The following LRBA variants were observed in gnomAD, a reference collection of about 807,000 sequenced individuals.
The protein encoded by LRBA is LPS responsive beige-like anchor protein.
LRBA carries 176 observed loss-of-function variants against 330.0 expected under a neutral mutation model. The ratio of observed to expected loss-of-function variants is 0.53; its 90% CI spans 0.47 to 0.60. The LOEUF is 0.60. Ranked by LOEUF, LRBA falls within the 20% of genes least tolerant of loss-of-function variation. The probability of loss-of-function intolerance (pLI) is 0.00; values close to 1 mark genes in which losing one functional copy is unlikely to be tolerated. For synonymous variants in LRBA, 1,230 were observed against 1,193.0 expected, an observed-to-expected ratio of 1.03 and a Z score of -0.64; for missense variants, 3,259 against 3,444.8, an observed-to-expected ratio of 0.95 and a Z score of 1.35.
intron 22 of LRBA, among the ~76,000 whole-genome samples, chr4:150,854,640 G>GT (rs1751010196): frequency 6.6e-6 from 1 of 152,198 alleles, no homozygotes; most frequent in South Asian, 2.1e-4. Context: ...GCGAGAAGGT[G>GT]TATTTACTAG....
At chr4:150,964,139 C>G (rs1444114892) in intron 2 of LRBA, among the ~76,000 whole-genome samples, 1 of 148,974 alleles carries the variant, frequency 6.7e-6, no homozygotes, top group Non-Finnish European at 1.5e-5. Context: ...GGGCAGCCCC[C>G]GCCCGGCCAG....
chr4:150,657,559 A>T (rs532215191), intron 37 of LRBA, among the ~76,000 whole-genome samples: 103 of 152,114 alleles, frequency 6.8e-4, no homozygotes, highest in Non-Finnish European at 1.0e-3. Flanking sequence ...GAGATGTGGA[A>T]GCATTTACCA....
intron 2 of LRBA, among the ~76,000 whole-genome samples, chr4:150,931,942 C>T (rs1734551399): frequency 6.6e-6 from 1 of 152,024 alleles, no homozygotes; most frequent in East Asian, 1.9e-4. Flanking sequence ...GGCGTGGTGG[C>T]TCATGCCTGT....
At chr4:150,556,043 T>C (rs1767279106) in intron 40 of LRBA, among the ~76,000 whole-genome samples, 1 of 152,022 alleles carries the variant, frequency 6.6e-6, no homozygotes, top group South Asian at 2.1e-4. Flanking sequence ...GTTCAAGAGA[T>C]CCTCATGCCT....
intron 4 of LRBA, among the ~76,000 whole-genome samples, chr4:150,923,591 G>A (rs1474171982): frequency 3.3e-5 from 5 of 152,230 alleles, no homozygotes; most frequent in Non-Finnish European, 7.4e-5. Flanking sequence ...AAGCTGCAAC[G>A]CTGAGTTTAT....
chr4:150,538,158 A>G (rs1035863260), intron 40 of LRBA, among the ~76,000 whole-genome samples: 2 of 152,232 alleles, frequency 1.3e-5, no homozygotes, highest in Non-Finnish European at 2.9e-5. Flanking sequence ...GAGGCTGCAG[A>G]CAAAAGAGAA....
chr4:150,542,916 G>A (rs918997826), intron 40 of LRBA, among the ~76,000 whole-genome samples: 4 of 151,970 alleles, frequency 2.6e-5, no homozygotes, highest in Non-Finnish European at 5.9e-5. Context: ...TAGTCTGGTG[G>A]TACTAAAAAA....
chr4:150,543,754 C>A (rs17589349), intron 40 of LRBA, among the ~76,000 whole-genome samples: 20,502 of 152,008 alleles, frequency 0.13, 1,434 homozygotes, highest in Middle Eastern at 0.17. Context: ...GTATATGAGA[C>A]AATCATCACA....
intron 34 of LRBA, among the ~76,000 whole-genome samples, chr4:150,789,593 T>A: frequency 6.6e-6 from 1 of 152,190 alleles, no homozygotes; most frequent in East Asian, 1.9e-4. Flanking sequence ...GGATGCCTAA[T>A]ATGAACTCTG....
chr4:150,667,205 C>T (rs943898408), intron 37 of LRBA, among the ~76,000 whole-genome samples: 1 of 152,096 alleles, frequency 6.6e-6, no homozygotes, highest in African/African-American at 2.4e-5. Context: ...AATACTAATC[C>T]CCACAACCTG....
intron 40 of LRBA, among the ~76,000 whole-genome samples, chr4:150,519,558 T>G (rs1762712016): frequency 6.6e-6 from 1 of 152,188 alleles, no homozygotes; most frequent in Admixed American, 6.5e-5. Flanking sequence ...TTCTTTTTAT[T>G]ACTGAGTAGT....
chr4:150,641,545 A>C (rs907045062), intron 37 of LRBA, among the ~76,000 whole-genome samples: 4 of 152,172 alleles, frequency 2.6e-5, no homozygotes, highest in African/African-American at 9.6e-5. Flanking sequence ...CAGTTAAAAT[A>C]GGAGAATAAA....
At chr4:150,853,054 T>G in intron 22 of LRBA, 111 bp from the exon 23 acceptor site, 2 of 465,626 alleles carry the variant, frequency 4.3e-6, no homozygotes, top group Admixed American at 8.1e-5. Flanking sequence ...ACAATAAAAC[T>G]TAATTTTCCT....
At chr4:150,528,855 TTGCAAAATAA>T (rs1763766239) in intron 40 of LRBA, among the ~76,000 whole-genome samples, 1 of 152,114 alleles carries the variant, frequency 6.6e-6, no homozygotes, top group Non-Finnish European at 1.5e-5. Flanking sequence ...GCAAATACAG[TTGCAAAATAA>T]TGACCTGAGT....
At chr4:150,478,567 T>C (rs1314835723) in intron 42 of LRBA, among the ~76,000 whole-genome samples, 1 of 152,296 alleles carries the variant, frequency 6.6e-6, no homozygotes, top group East Asian at 1.9e-4. Context: ...CAACATCACA[T>C]ATCATCCAGA....
chr4:150,772,747 A>T (rs956694410), intron 34 of LRBA, among the ~76,000 whole-genome samples: 5 of 152,200 alleles, frequency 3.3e-5, no homozygotes, highest in African/African-American at 7.2e-5. Context: ...TGCCACTGAC[A>T]CTTGAAGCAC....
At chr4:150,294,812 C>T (rs1020218879) in intron 53 of LRBA, among the ~76,000 whole-genome samples, 11 of 152,118 alleles carry the variant, frequency 7.2e-5, no homozygotes, top group African/African-American at 1.7e-4. Context: ...ATTATCTGGG[C>T]GCGCTGGCGC....
At chr4:150,648,381 A>G (rs1779405861) in intron 37 of LRBA, among the ~76,000 whole-genome samples, 1 of 151,906 alleles carries the variant, frequency 6.6e-6, no homozygotes, top group African/African-American at 2.4e-5. Context: ...CAGAAAGTTC[A>G]AGATCTAAGA....
chr4:150,574,749 A>T (rs1228265617), intron 40 of LRBA, among the ~76,000 whole-genome samples: 2 of 152,064 alleles, frequency 1.3e-5, no homozygotes, highest in African/African-American at 4.8e-5. Context: ...TAGAGCATTT[A>T]ACCAAAAAGT....
Sources: allele counts gnomAD v4.1 joint callset (sites outside exome capture counted in the v4.1 genomes callset), GRCh38; gene constraint gnomAD v4.1.1; transcripts MANE v1.5; gene names NCBI Gene and HGNC (gene_info 2026-07-23, HGNC 2026-07-21).